Variants in ATXN1 observed in about 807,000 individuals in gnomAD.
ATXN1 encodes ataxin 1, also known as ataxin-1.
A neutral mutation model predicts 56.4 loss-of-function variants in ATXN1; 8 were observed. The observed-to-expected ratio is 0.14, with a 90% CI of 0.08 to 0.26. ATXN1 has a LOEUF of 0.26. Among genes scored for constraint, ATXN1 ranks in the 10% least tolerant of loss-of-function variants. The pLI, the probability that ATXN1 is intolerant of heterozygous loss-of-function variation, is 1.00. For synonymous variants in ATXN1, 514 were observed against 494.6 expected (o/e 1.04, Z -0.52); for missense variants, 987 against 1,106.5 (o/e 0.89, Z 1.53).
intron 6 of ATXN1, among the ~76,000 whole-genome samples, chr6:16,371,366 G>C (rs1360061670): frequency 6.7e-6 from 1 of 150,224 alleles, no homozygotes; most frequent in Non-Finnish European, 1.5e-5. Flanking sequence ...CTTTCTCCAA[G>C]CATGTGAATG....
intron 6 of ATXN1, among the ~76,000 whole-genome samples, chr6:16,383,423 A>G (rs1397566599): frequency 6.6e-6 from 1 of 152,202 alleles, no homozygotes; most frequent in Non-Finnish European, 1.5e-5. Flanking sequence ...TTAGTCTTTC[A>G]CGTAATGGGA....
intron 6 of ATXN1, among the ~76,000 whole-genome samples, chr6:16,434,882 G>A (rs911364884): frequency 1.3e-5 from 2 of 152,166 alleles, no homozygotes; most frequent in Non-Finnish European, 2.9e-5. Flanking sequence ...AGAAAAGAAC[G>A]GGGTGATGGG....
chr6:16,320,342 G>A (rs1010944449), intron 7 of ATXN1, among the ~76,000 whole-genome samples: 20 of 152,090 alleles, frequency 1.3e-4, no homozygotes, highest in Admixed American at 1.2e-3. Flanking sequence ...CAGGACAGTC[G>A]GGAGGAGGAA....
In ATXN1 at chr6:16,604,915, C is replaced by T. The variant is rs75331189; in HGVS notation, c.-488-19008G>A. Among the ~76,000 whole-genome samples, 308 of 152,182 alleles carry T rather than the reference C, an allele frequency of 2.0e-3. 4 individuals are homozygous for T. In the East Asian group the frequency reaches 0.035, roughly 17 times the overall value. On this transcript the variant is annotated intron_variant, in intron 3 of 7. Coordinates refer to ENST00000436367, the MANE Select transcript of ATXN1 (RefSeq NM_001128164.2). The stretch of plus-strand genomic sequence containing the variant: ...ACCTGGATTTTGGAAAAGAGGAAAA[C>T]GGAAGTCTGACTGTTAGATGTGGGA...
At chr6:16,582,510 C>A (rs1014789486) in intron 4 of ATXN1, among the ~76,000 whole-genome samples, 3 of 152,136 alleles carry the variant, frequency 2.0e-5, no homozygotes, top group Non-Finnish European at 4.4e-5. Flanking sequence ...CTGGCAAAAT[C>A]CTAAGACACC....
At chr6:16,420,217 T>C (rs1176281206) in intron 6 of ATXN1, among the ~76,000 whole-genome samples, 1 of 152,236 alleles carries the variant, frequency 6.6e-6, no homozygotes, top group African/African-American at 2.4e-5. Flanking sequence ...TGTTCTATGC[T>C]GCATTTTACT....
At chr6:16,633,275 A>G (rs1411755867) in intron 3 of ATXN1, among the ~76,000 whole-genome samples, 1 of 152,200 alleles carries the variant, frequency 6.6e-6, no homozygotes, top group Non-Finnish European at 1.5e-5. Context: ...TTTCAAAACA[A>G]GGAAGATTAT....
intron 6 of ATXN1, among the ~76,000 whole-genome samples, chr6:16,350,179 C>A (rs891745150): frequency 6.6e-6 from 1 of 152,200 alleles, no homozygotes. Context: ...CTGTTTACAA[C>A]AAAGCTCATT....
At chr6:16,443,912 C>A (rs111400418) in intron 6 of ATXN1, among the ~76,000 whole-genome samples, 1 of 152,022 alleles carries the variant, frequency 6.6e-6, no homozygotes, top group Non-Finnish European at 1.5e-5. Flanking sequence ...GTCAGGAGAT[C>A]GAGACCATCC....
intron 2 of ATXN1, among the ~76,000 whole-genome samples, chr6:16,747,509 G>C (rs1162332131): frequency 6.6e-6 from 1 of 152,204 alleles, no homozygotes; most frequent in Non-Finnish European, 1.5e-5. Flanking sequence ...GTCAGAGTCA[G>C]AGCCTACTAA....
At chr6:16,543,803 A>G (rs1354534589) in intron 4 of ATXN1, among the ~76,000 whole-genome samples, 2 of 152,212 alleles carry the variant, frequency 1.3e-5, no homozygotes, top group Non-Finnish European at 2.9e-5. Context: ...CTAGAAGCCA[A>G]TGACTTCCCA....
chr6:16,736,766 C>A (rs1412698217), intron 2 of ATXN1: 1 of 152,192 alleles, frequency 6.6e-6, no homozygotes, highest in East Asian at 1.9e-4. Context: ...GAAATAGATT[C>A]ATCAGCATTT....
At chr6:16,685,841 T>C (rs1227492925) in intron 2 of ATXN1, among the ~76,000 whole-genome samples, 1 of 152,226 alleles carries the variant, frequency 6.6e-6, no homozygotes, top group Non-Finnish European at 1.5e-5. Context: ...TATCGTTCAA[T>C]AAATTATTTT....
intron 6 of ATXN1, among the ~76,000 whole-genome samples, chr6:16,480,174 A>T (rs1210069112): frequency 6.7e-6 from 1 of 149,820 alleles, no homozygotes; most frequent in African/African-American, 2.4e-5. Flanking sequence ...AAAAAAAAAA[A>T]AAATATCTAA....
At chr6:16,639,345 GACC>G (rs1306896286) in intron 3 of ATXN1, among the ~76,000 whole-genome samples, 1 of 152,150 alleles carries the variant, frequency 6.6e-6, no homozygotes, top group Non-Finnish European at 1.5e-5. Context: ...AAGTCAGCAA[GACC>G]ACAAACCTAT....
chr6:16,308,431 G>C (rs1307952816), intron 7 of ATXN1, among the ~76,000 whole-genome samples: 1 of 152,008 alleles, frequency 6.6e-6, no homozygotes, highest in African/African-American at 2.4e-5. Flanking sequence ...TTGGGGGCCT[G>C]TTTTCTCCTG....
At chr6:16,718,832 T>C (rs1759691064) in intron 2 of ATXN1, among the ~76,000 whole-genome samples, 2 of 152,224 alleles carry the variant, frequency 1.3e-5, no homozygotes, top group Non-Finnish European at 2.9e-5. Flanking sequence ...ACACAATGTA[T>C]ACATGAAGAC....
At chr6:16,484,989 G>GTA (rs1298697719) in intron 6 of ATXN1, 1 of 139,870 alleles carries the variant, frequency 7.1e-6, no homozygotes, top group African/African-American at 2.6e-5. Context: ...GTGTGTGTGT[G>GTA]TGTACACGCA....
At chr6:16,463,478 A>C (rs1760040676) in intron 6 of ATXN1, among the ~76,000 whole-genome samples, 1 of 152,156 alleles carries the variant, frequency 6.6e-6, no homozygotes, top group Non-Finnish European at 1.5e-5. Flanking sequence ...TTATCCTACT[A>C]CCACACACTC....
Sources: allele counts gnomAD v4.1 joint callset (sites outside exome capture counted in the v4.1 genomes callset), GRCh38; gene constraint gnomAD v4.1.1; transcripts MANE v1.5; gene names NCBI Gene and HGNC (gene_info 2026-07-23, HGNC 2026-07-21).